PLB1: variants seen among roughly 807,000 people sequenced by gnomAD.
The protein encoded by PLB1 is phospholipase B1, membrane-associated.
In PLB1, 242 loss-of-function variants were observed where a neutral mutation model predicts 227.4. That is an observed-to-expected ratio of 1.06 (90% CI 0.96 to 1.18). The LOEUF (loss-of-function observed/expected upper bound fraction) is 1.18. Among genes scored for constraint, PLB1 ranks in the 50% most tolerant of loss-of-function variants. The pLI, the probability that PLB1 is intolerant of heterozygous loss-of-function variation, is 0.00. For synonymous variants in PLB1, 757 were observed against 682.2 expected (o/e 1.11, Z -1.71); for missense variants, 1,858 against 1,816.3 (o/e 1.02, Z -0.42).
chr2:28,594,030 A>G, intron 33 of PLB1: 1 of 713,362 alleles, frequency 1.4e-6, no homozygotes, highest in Non-Finnish European at 2.7e-6. Flanking sequence ...CAGGAAATGC[A>G]CCAGAAAAGC....
Position 28,598,057 on chromosome 2 carries a change from C to A in PLB1, c.2365+9C>A. ...TGTGACCACCTTACCTAGTAAGTAA[C>A]CATCAGGGGCTTGAATCTGTCTACT... On this transcript the variant is annotated intron_variant, in intron 34 of 57. Coordinates refer to ENST00000327757, the MANE Select transcript of PLB1 (RefSeq NM_153021.5). The A allele has an allele frequency of 6.2e-7, 1 of 1,609,710 alleles. No homozygotes were observed. Among genetic ancestry groups the A allele is most frequent in the Non-Finnish European group, 8.5e-7 (1 of 1,176,940 alleles).
intron 16 of PLB1, among the ~76,000 whole-genome samples, chr2:28,551,585 G>GA (rs1674264657): frequency 6.6e-6 from 1 of 152,184 alleles, no homozygotes; most frequent in Non-Finnish European, 1.5e-5. Flanking sequence ...GCATAGCAAT[G>GA]AGCATACACC....
At chr2:28,630,504 T>G in intron 53 of PLB1, 82 bp from the exon 54 acceptor site, 4 of 1,262,776 alleles carry the variant, frequency 3.2e-6, no homozygotes, top group Non-Finnish European at 4.5e-6. Flanking sequence ...AGTGGCCTGC[T>G]CTGTGTGTCA....
chr2:28,575,745 G>A (rs4341890), intron 21 of PLB1, among the ~76,000 whole-genome samples: 78,467 of 151,850 alleles, frequency 0.52, 22,070 homozygotes, highest in Non-Finnish European at 0.65. Context: ...TAGAGACAGC[G>A]TTTCACCGTG....
Position 28,642,918 on chromosome 2 carries a change from G to A in PLB1, c.4234G>A (p.Ala1412Thr). The A allele has an allele frequency of 1.9e-6, 3 of 1,608,812 alleles. No individual in the cohort carries two copies. The highest frequency in any genetic ancestry group is 1.7e-6 in the Non-Finnish European group (2 of 1,177,630). The part of the protein sequence containing the change: ...SRLLPDQAEE[A>T]PEVLYWAVPV... Reference sequence around the variant, plus strand: ...ATTGCTCCCAGACCAGGCTGAAGAAGCCCCCGAGGTGCTCTACTGGGCTGT... The same window carrying A: ...ATTGCTCCCAGACCAGGCTGAAGAAACCCCCGAGGTGCTCTACTGGGCTGT... Residue 1412 changes from alanine (A) to threonine (T), a missense_variant, in exon 58 of 58, where the codon GCC becomes ACC. Physicochemically the swap from Ala to Thr is moderately conservative, Grantham distance 58. Coordinates refer to ENST00000327757, the MANE Select transcript of PLB1 (RefSeq NM_153021.5).
chr2:28,608,866 G>C (rs2148310941), intron 43 of PLB1, among the ~76,000 whole-genome samples: 1 of 152,072 alleles, frequency 6.6e-6, no homozygotes, highest in Admixed American at 6.6e-5. Flanking sequence ...CCCCAGTCTT[G>C]AAAATGTAGA....
chr2:28,498,704 G>C (rs916117227), intron 1 of PLB1, among the ~76,000 whole-genome samples: 11 of 151,968 alleles, frequency 7.2e-5, no homozygotes, highest in African/African-American at 2.4e-4. Flanking sequence ...TCTCTTTTTT[G>C]CTCTATTAGT....
At chr2:28,564,883 T>C (rs1676628594) in intron 18 of PLB1, among the ~76,000 whole-genome samples, 1 of 152,232 alleles carries the variant, frequency 6.6e-6, no homozygotes, top group Non-Finnish European at 1.5e-5. Context: ...AGGTGAGATA[T>C]ATTGGTATAA....
At chr2:28,561,509 G>C (rs958628161) in intron 17 of PLB1, among the ~76,000 whole-genome samples, 1 of 152,144 alleles carries the variant, frequency 6.6e-6, no homozygotes, top group African/African-American at 2.4e-5. Context: ...TAGCCCAAAA[G>C]TGGAAATAAC....
intron 1 of PLB1, among the ~76,000 whole-genome samples, chr2:28,503,427 C>T (rs1249435115): frequency 6.6e-6 from 1 of 152,312 alleles, no homozygotes; most frequent in Admixed American, 6.5e-5. Context: ...GTTGGGATTA[C>T]AGGCATGAGC....
In PLB1 at chr2:28,582,442, A is replaced by T; in HGVS notation, c.1670A>T (p.Glu557Val). 6.2e-7 allele frequency: 1 copy of T among 1,613,426 alleles called. No homozygotes were observed. Among genetic ancestry groups the T allele is most frequent in the South Asian group, 1.1e-5 (1 of 90,788 alleles). Residue 557 changes from glutamate to valine, a missense_variant, in exon 25 of 58, where the codon GAG becomes GTG. Transcript: ENST00000327757. ...RAFVNLVTVL[E>V]IVNLRELYQE... ...TTTGTGAACCTGGTGACGGTGCTTGAGATCGTCAACCTGAGGGAGCTGTAC... is the reference window on the plus strand; with the variant it reads ...TTTGTGAACCTGGTGACGGTGCTTGTGATCGTCAACCTGAGGGAGCTGTAC...
At position 28,634,860 on chromosome 2, in the gene PLB1, G is replaced by A. The variant is rs555829056; in HGVS notation, c.4098+1821G>A. 1.2e-3 allele frequency among the ~76,000 whole-genome samples: 186 copies of A among 151,936 alleles called. 4 individuals are homozygous for A. Among genetic ancestry groups the A allele is most frequent in the Admixed American group, 0.011 (169 of 15,244 alleles). The stretch of plus-strand genomic sequence containing the variant: ...TGGGAGGTCAAGGCTGCAATGAGCC[G>A]AGATGGCACCACCGCACTCCAGCCT... On this transcript the variant is annotated intron_variant, in intron 56 of 57. Transcript: ENST00000327757.
intron 51 of PLB1, among the ~76,000 whole-genome samples, chr2:28,627,475 G>T (rs1224851848): frequency 6.6e-6 from 1 of 152,178 alleles, no homozygotes; most frequent in Non-Finnish European, 1.5e-5. Context: ...TAGTTGAAAG[G>T]GCTGGGCTGC....
chr2:28,558,594 A>G (rs1056128161), intron 17 of PLB1, among the ~76,000 whole-genome samples: 1 of 152,170 alleles, frequency 6.6e-6, no homozygotes, highest in Non-Finnish European at 1.5e-5. Context: ...TTCTAACCAC[A>G]TGGTGTAGCT....
At chr2:28,632,489 T>C (rs1365812611) in intron 55 of PLB1, among the ~76,000 whole-genome samples, 7 of 152,176 alleles carry the variant, frequency 4.6e-5, no homozygotes, top group African/African-American at 1.7e-4. Context: ...AATTCTTGTC[T>C]GTTTAAAAAG....
intron 1 of PLB1, among the ~76,000 whole-genome samples, chr2:28,504,969 T>C (rs1011221225): frequency 6.6e-6 from 1 of 152,158 alleles, no homozygotes; most frequent in African/African-American, 2.4e-5. Context: ...AGGATGAAGG[T>C]GAATGTCTTC....
chr2:28,529,292 G>C lies in PLB1; in HGVS notation c.326-25G>C, dbSNP rs75510757. ...GTGGCCTTCAGCTGGTGAAGGCCAG[G>C]GCCTCAAACCAGTTCTCTCTTTAGT... On this transcript the variant is annotated intron_variant, in intron 6 of 57. Coordinates refer to ENST00000327757, the MANE Select transcript of PLB1 (RefSeq NM_153021.5). 6.5e-6 allele frequency: 10 copies of C among 1,548,980 alleles called. No individual in the cohort carries two copies. In the African/African-American group the frequency reaches 1.4e-4, roughly 21 times the overall value.
chr2:28,516,093 A>C (rs781736226), intron 1 of PLB1, among the ~76,000 whole-genome samples: 14 of 152,238 alleles, frequency 9.2e-5, no homozygotes, highest in Non-Finnish European at 1.6e-4. Context: ...ATTTAAAAAT[A>C]CTATAATTTG....
chr2:28,547,202 CAAAAAAAAAAAAAAG>C (rs375366881), intron 14 of PLB1, among the ~76,000 whole-genome samples: 1 of 99,912 alleles, frequency 1.0e-5, no homozygotes, highest in African/African-American at 3.7e-5. Flanking sequence ...ACCCTGTCTC[CAAAAAAAAAAAAAAG>C]AAAAAAAAAA....
Sources: gnomAD v4.1 joint callset for allele counts (sites outside exome capture counted in the v4.1 genomes callset) on GRCh38, gnomAD v4.1.1 for gene constraint, MANE v1.5 for transcripts, NCBI Gene and HGNC (gene_info 2026-07-23, HGNC 2026-07-21) for gene names.